Variants in ARMC2 observed in about 807,000 individuals in gnomAD.
ARMC2 encodes the protein armadillo repeat containing 2, also known as armadillo repeat-containing protein 2.
Under a neutral mutation model 90.3 loss-of-function variants are expected in ARMC2, and 67 were observed. The ratio of observed to expected loss-of-function variants is 0.74; its 90% CI spans 0.61 to 0.91. The LOEUF is 0.91. Among genes scored for constraint, ARMC2 ranks in the 40% least tolerant of loss-of-function variants. The probability of loss-of-function intolerance (pLI) is 0.00; values close to 1 mark genes in which losing one functional copy is unlikely to be tolerated. For missense variants in ARMC2, 920 were observed against 1,030.9 expected (o/e 0.89, Z 1.47); for synonymous variants, 393 against 393.0 (o/e 1.00, Z 0.00).
chr6:108,935,967 G>A (rs1475397492), intron 11 of ARMC2, among the ~76,000 whole-genome samples: 3 of 152,004 alleles, frequency 2.0e-5, no homozygotes, highest in Non-Finnish European at 4.4e-5. Flanking sequence ...ATTTATTTAT[G>A]GCCTGGTATG....
At chr6:108,864,341 C>T (rs1398595193) in intron 3 of ARMC2, among the ~76,000 whole-genome samples, 2 of 151,608 alleles carry the variant, frequency 1.3e-5, no homozygotes, top group South Asian at 2.1e-4. Context: ...CATTGCCTCC[C>T]GGGTTCAAGT....
chr6:108,908,759 A>T (rs976521138), intron 8 of ARMC2, among the ~76,000 whole-genome samples: 1 of 152,102 alleles, frequency 6.6e-6, no homozygotes, highest in African/African-American at 2.4e-5. Flanking sequence ...TCTGAAAAAA[A>T]AGAAAAGAGA....
At chr6:108,953,952 A>AG (rs948565688) in intron 13 of ARMC2, among the ~76,000 whole-genome samples, 20 of 152,328 alleles carry the variant, frequency 1.3e-4, no homozygotes, top group African/African-American at 4.8e-4. Flanking sequence ...TCAAGGTGCC[A>AG]GACTGTTCAG....
chr6:108,876,839 G>A (rs1776988640), intron 5 of ARMC2, among the ~76,000 whole-genome samples: 1 of 152,218 alleles, frequency 6.6e-6, no homozygotes. Flanking sequence ...TCAGTTATCT[G>A]TGAGATCCCT....
intron 12 of ARMC2, among the ~76,000 whole-genome samples, chr6:108,940,540 C>T (rs1261556728): frequency 6.6e-6 from 1 of 152,144 alleles, no homozygotes; most frequent in African/African-American, 2.4e-5. Context: ...GGTGTTTTTG[C>T]TTGGCCAGCA....
chr6:108,914,158 C>CTG (rs1196001544), intron 10 of ARMC2, among the ~76,000 whole-genome samples: 1 of 151,850 alleles, frequency 6.6e-6, no homozygotes, highest in Admixed American at 6.6e-5. Flanking sequence ...GTGTGTATGT[C>CTG]TGTGTGTGTG....
chr6:109,045,667 G>A, the ARMC2 span, among the ~76,000 whole-genome samples: 3 of 152,120 alleles, frequency 2.0e-5, no homozygotes, highest in East Asian at 1.9e-4. Flanking sequence ...CTTCTACAGC[G>A]CTTACCCTGG....
rs184233234 is a variant in ARMC2, at chr6:108,928,065, G to A, written c.1351-23G>A. The A allele has an allele frequency of 1.4e-4, 228 of 1,580,006 alleles. 2 individuals carry two copies. In the African/African-American group the frequency reaches 2.9e-3, roughly 20 times the overall value. Reference sequence around the variant, plus strand: ...ATATTTTTTCAGTTCAAAAAAAATGGCACAAGCATGCTTTTATCCTAGGTG... The same window carrying A: ...ATATTTTTTCAGTTCAAAAAAAATGACACAAGCATGCTTTTATCCTAGGTG... On this transcript the variant is annotated intron_variant, in intron 10 of 17. Coordinates refer to ENST00000392644, the MANE Select transcript of ARMC2 (RefSeq NM_032131.6).
chr6:108,978,094 G>T (rs958529032), downstream of ARMC2, among the ~76,000 whole-genome samples: 2 of 152,078 alleles, frequency 1.3e-5, no homozygotes, highest in Non-Finnish European at 2.9e-5. Context: ...TGATGTTAGG[G>T]TGTCGAATTT....
chr6:108,917,901 G>A (rs1300197945), intron 10 of ARMC2, among the ~76,000 whole-genome samples: 2 of 152,026 alleles, frequency 1.3e-5, no homozygotes, highest in African/African-American at 2.4e-5. Flanking sequence ...GGCTGGTCTC[G>A]AACTCCTGAC....
rs548141553 is a variant in ARMC2 at position 108,907,795 on chromosome 6, C to T, written c.1024-3104C>T. On this transcript the variant is annotated intron_variant, in intron 8 of 17. Transcript: ENST00000392644. ...AAATGCCACTAGGGCTGAAGTCCCC[C>T]ATCAAGATCCAGCTTGGCAGCTCCC... The T allele has an allele frequency of 1.9e-6, 3 of 1,610,376 alleles. No homozygotes were observed. The African/African-American group carries it at 4.0e-5, about 22-fold the overall frequency.
chr6:108,994,698 C>CTTTTTTTT, the ARMC2 span: 4 of 274,832 alleles, frequency 1.5e-5, no homozygotes, highest in African/African-American at 8.7e-5. Context: ...GAATTTATAT[C>CTTTTTTTT]TTTTTTTTTT....
the ARMC2 span, chr6:108,998,538 G>C: frequency 1.9e-6 from 3 of 1,613,744 alleles, no homozygotes; most frequent in Non-Finnish European, 2.5e-6. Context: ...TGAGTTGACC[G>C]GCATCTCATC....
At chr6:108,955,535 T>A (rs961805202) in intron 13 of ARMC2, among the ~76,000 whole-genome samples, 5 of 152,180 alleles carry the variant, frequency 3.3e-5, no homozygotes, top group African/African-American at 1.2e-4. Context: ...AGTGGCAAAG[T>A]CACCGGGCCC....
At chr6:108,988,819 T>C in the ARMC2 span, 2 of 627,694 alleles carry the variant, frequency 3.2e-6, no homozygotes, top group Non-Finnish European at 5.2e-6. Context: ...CCAAAAATGA[T>C]AGAGCTTTAT....
At chr6:108,924,284 G>A (rs887074231) in intron 10 of ARMC2, among the ~76,000 whole-genome samples, 2 of 152,098 alleles carry the variant, frequency 1.3e-5, no homozygotes, top group African/African-American at 4.8e-5. Context: ...TTGGGAGGCC[G>A]AGGCGGGCGG....
the ARMC2 span, among the ~76,000 whole-genome samples, chr6:109,050,908 A>G: frequency 2.0e-5 from 3 of 152,216 alleles, no homozygotes; most frequent in Non-Finnish European, 4.4e-5. Flanking sequence ...TCTACTGCTT[A>G]GGTAGGGGGA....
intron 12 of ARMC2, among the ~76,000 whole-genome samples, chr6:108,938,599 C>CTTTTTTTTTTTTTTTTTT (rs4027582): frequency 2.4e-5 from 2 of 83,104 alleles, no homozygotes; most frequent in East Asian, 4.7e-4. Flanking sequence ...CCATTACTAC[C>CTTTTTTTTTTTTTTTTTT]TTTTTTTTTT....
chr6:109,012,711 T>G, the ARMC2 span, among the ~76,000 whole-genome samples: 40 of 152,048 alleles, frequency 2.6e-4, no homozygotes, highest in Non-Finnish European at 4.9e-4. Flanking sequence ...ATCTAGCATA[T>G]GCAGAGGCCC....
Sources: gnomAD v4.1 joint callset for allele counts (sites outside exome capture counted in the v4.1 genomes callset) on GRCh38, gnomAD v4.1.1 for gene constraint, MANE v1.5 for transcripts, NCBI Gene and HGNC (gene_info 2026-07-23, HGNC 2026-07-21) for gene names.